MAD1L1: variants seen among roughly 807,000 people sequenced by gnomAD.
MAD1L1 encodes mitotic spindle assembly checkpoint protein MAD1.
A neutral mutation model predicts 96.9 loss-of-function variants in MAD1L1; 95 were observed. The ratio of observed to expected loss-of-function variants is 0.98; its 90% CI spans 0.83 to 1.16. The LOEUF (loss-of-function observed/expected upper bound fraction) is 1.16. MAD1L1 is among the 50% of genes most tolerant of loss of function. The probability of loss-of-function intolerance (pLI) is 0.00; values close to 1 mark genes in which losing one functional copy is unlikely to be tolerated. For synonymous variants in MAD1L1, 473 were observed against 396.6 expected (o/e 1.19, Z -2.29); for missense variants, 1,007 against 954.4 (o/e 1.06, Z -0.73).
At chr7:1,944,226 A>G (rs2128468143) in intron 16 of MAD1L1, among the ~76,000 whole-genome samples, 1 of 152,324 alleles carries the variant, frequency 6.6e-6, no homozygotes, top group South Asian at 2.1e-4. Context: ...GGGAGACAGC[A>G]GGGTGATGGA....
At position 1,969,000 on chromosome 7, in the gene MAD1L1, C is replaced by T. The variant is rs1035938418; in HGVS notation, c.1506-11281G>A. On this transcript the variant is annotated intron_variant, in intron 15 of 18. Transcript: ENST00000265854. The surrounding 1 kb of genome is among the most constrained non-coding windows in gnomAD (Gnocchi z 5.6). ...GTGAGATGTCAACAGCGAGAGAAAC[C>T]GGGTGAAGAGGGTATGAGAACTCTC... 1.3e-5 allele frequency among the ~76,000 whole-genome samples: 2 copies of T among 152,158 alleles called. No individual in the cohort carries two copies. Among genetic ancestry groups the T allele is most frequent in the Non-Finnish European group, 2.9e-5 (2 of 68,026 alleles).
chr7:1,943,990 C>G (rs12699489), intron 16 of MAD1L1, among the ~76,000 whole-genome samples: 7 of 152,180 alleles, frequency 4.6e-5, no homozygotes, highest in Middle Eastern at 3.4e-3. Context: ...AATACACCAC[C>G]GACACCTATG....
intron 11 of MAD1L1, among the ~76,000 whole-genome samples, chr7:2,121,356 A>C (rs1314168262): frequency 1.3e-5 from 2 of 152,246 alleles, no homozygotes; most frequent in Non-Finnish European, 2.9e-5. Flanking sequence ...CCGTGGGGAC[A>C]GGCAGGGATG....
chr7:2,097,258 C>T (rs150994840), intron 11 of MAD1L1, among the ~76,000 whole-genome samples: 111 of 152,272 alleles, frequency 7.3e-4, no homozygotes, highest in African/African-American at 2.5e-3. Context: ...GCGCTCACCC[C>T]ACTCAGGCCT....
intron 18 of MAD1L1, among the ~76,000 whole-genome samples, chr7:1,858,216 T>A (rs917971989): frequency 5.9e-5 from 9 of 152,194 alleles, no homozygotes; most frequent in Admixed American, 1.3e-4. Flanking sequence ...TTGGGAGTCT[T>A]GGAGCACAGG....
rs192159844 is a variant in MAD1L1, at chr7:1,910,418, C to T, written c.1808-12028G>A. Reference sequence around the variant, plus strand: ...TACAGGGAGGGCTGGTCGCAGCAGCCGTCCGACGCGTCAGCACAGGGCCAC... The same window carrying T: ...TACAGGGAGGGCTGGTCGCAGCAGCTGTCCGACGCGTCAGCACAGGGCCAC... On this transcript the variant is annotated intron_variant, in intron 17 of 18. Coordinates refer to ENST00000265854, the MANE Select transcript of MAD1L1 (RefSeq NM_001013836.2). 3.4e-3 allele frequency among the ~76,000 whole-genome samples: 515 copies of T among 152,348 alleles called. 2 individuals carry two copies. Among genetic ancestry groups the T allele is most frequent in the African/African-American group, 0.012 (493 of 41,576 alleles).
intron 18 of MAD1L1, among the ~76,000 whole-genome samples, chr7:1,885,817 C>G (rs1408011257): frequency 1.3e-5 from 2 of 152,220 alleles, no homozygotes; most frequent in South Asian, 2.1e-4. Context: ...TCCCTCCAGC[C>G]TGGCCCCTAG....
chr7:1,827,514 C>T (rs1402915150), intron 18 of MAD1L1, among the ~76,000 whole-genome samples: 2 of 135,400 alleles, frequency 1.5e-5, no homozygotes, highest in Non-Finnish European at 3.3e-5. Flanking sequence ...GTGTGGGGTC[C>T]TCCCCTCCTG....
chr7:1,941,299 C>A (rs1778986051), intron 16 of MAD1L1, among the ~76,000 whole-genome samples: 1 of 152,046 alleles, frequency 6.6e-6, no homozygotes, highest in Non-Finnish European at 1.5e-5. Context: ...GCCCCCAGCC[C>A]CCAGCCAGGG....
At chr7:2,089,573 A>G (rs1786101068) in intron 11 of MAD1L1, among the ~76,000 whole-genome samples, 1 of 152,036 alleles carries the variant, frequency 6.6e-6, no homozygotes, top group Non-Finnish European at 1.5e-5. Context: ...AAAGCAACCA[A>G]GCCCCAACAC....
At chr7:2,052,235 A>G (rs111967675) in intron 12 of MAD1L1, among the ~76,000 whole-genome samples, 56 of 152,322 alleles carry the variant, frequency 3.7e-4, no homozygotes, top group African/African-American at 1.3e-3. Flanking sequence ...ACAGCCAGCC[A>G]TGGCATGACT....
intron 17 of MAD1L1, among the ~76,000 whole-genome samples, chr7:1,903,660 C>T (rs13311111): frequency 0.27 from 36,456 of 132,874 alleles, 5,079 homozygotes; most frequent in East Asian, 0.4. Flanking sequence ...GCAGTGAGGA[C>T]GCAGTGGCCT....
chr7:2,034,126 G>C (rs779857778), intron 12 of MAD1L1, among the ~76,000 whole-genome samples: 2 of 151,818 alleles, frequency 1.3e-5, no homozygotes, highest in Non-Finnish European at 2.9e-5. Context: ...AAATGAATCA[G>C]ATATGGGGAA....
intron 18 of MAD1L1, among the ~76,000 whole-genome samples, chr7:1,851,111 T>C (rs6961398): frequency 0.096 from 14,551 of 152,226 alleles, 1,113 homozygotes; most frequent in African/African-American, 0.21. Context: ...TGTGCCAGAA[T>C]CTATAGGCAC....
chr7:2,008,721 G>C (rs1018973652), intron 13 of MAD1L1, among the ~76,000 whole-genome samples: 1 of 151,672 alleles, frequency 6.6e-6, no homozygotes, highest in Non-Finnish European at 1.5e-5. Flanking sequence ...AGGTGGGAAG[G>C]AACACGGCTC....
chr7:2,104,969 C>T lies in MAD1L1; in HGVS notation c.1074-35631G>A, dbSNP rs141898657. Reference sequence around the variant, plus strand: ...CGCTCACCTCCTAAATGTTAAAACACGAAGGGAACTACGCACAGCCCGCCT... The same window carrying T: ...CGCTCACCTCCTAAATGTTAAAACATGAAGGGAACTACGCACAGCCCGCCT... On this transcript the variant is annotated intron_variant, in intron 11 of 18. Transcript: ENST00000265854. Among the ~76,000 whole-genome samples the T allele has an allele frequency of 3.9e-5, 6 of 152,300 alleles. No homozygotes were observed. In the South Asian group the frequency reaches 6.2e-4, roughly 16 times the overall value.
intron 17 of MAD1L1, among the ~76,000 whole-genome samples, chr7:1,913,990 G>C (rs150960506): frequency 0.015 from 2,195 of 151,174 alleles, 48 homozygotes; most frequent in African/African-American, 0.05. Context: ...GGAGAGGGTA[G>C]ACAAGCTCCC....
At position 2,123,499 on chromosome 7, in the gene MAD1L1, C is replaced by T. The variant is rs373556381; in HGVS notation, c.1073+25653G>A. 2.2e-4 allele frequency among the ~76,000 whole-genome samples: 34 copies of T among 152,150 alleles called. 1 individual carries two copies. The East Asian group carries it at 4.1e-3, about 18-fold the overall frequency. ...GCTGACACCCGGTGGGCTCTGTTTG[C>T]GCTTGAGCTGGTGACGGTAGGGTTT... On this transcript the variant is annotated intron_variant, in intron 11 of 18. Coordinates refer to ENST00000265854, the MANE Select transcript of MAD1L1 (RefSeq NM_001013836.2).
chr7:1,912,462 C>T (rs1788081922), intron 17 of MAD1L1, among the ~76,000 whole-genome samples: 1 of 152,228 alleles, frequency 6.6e-6, no homozygotes, highest in African/African-American at 2.4e-5. Flanking sequence ...GCAGAGACTG[C>T]AGGCCCTGCA....
Sources: allele counts gnomAD v4.1 joint callset (sites outside exome capture counted in the v4.1 genomes callset), GRCh38; gene constraint gnomAD v4.1.1; non-coding constraint Gnocchi (gnomAD v3.1); transcripts MANE v1.5; gene names NCBI Gene and HGNC (gene_info 2026-07-23, HGNC 2026-07-21).